The following C5orf34 variants were observed in gnomAD, a reference collection of about 807,000 sequenced individuals.
C5orf34 encodes uncharacterized protein C5orf34.
In C5orf34, 73 loss-of-function variants were observed where a neutral mutation model predicts 78.4. The observed-to-expected ratio is 0.93, with a 90% CI of 0.77 to 1.13. C5orf34 has a LOEUF of 1.13. Ranked by LOEUF, C5orf34 falls within the 50% of genes most tolerant of loss-of-function variation. C5orf34 has a pLI of 0.00. For missense variants in C5orf34, 730 were observed against 732.7 expected (o/e 1.00, Z 0.04); for synonymous variants, 251 against 246.6 (o/e 1.02, Z -0.17).
In C5orf34 at chr5:43,502,359, A is replaced by C. The variant is rs1745793146; in HGVS notation, c.1152+13T>G. 6.2e-7 allele frequency: 1 copy of C among 1,610,698 alleles called. No individual in the cohort carries two copies. Among genetic ancestry groups the C allele is most frequent in the African/African-American group, 1.3e-5 (1 of 74,808 alleles). The stretch of plus-strand genomic sequence containing the variant: ...GCAAAACTCTTCTTGAGTTGAGTTC[A>C]TTGTTGGCTTACCTTTCCTGATCCT... On this transcript the variant is annotated intron_variant, in intron 6 of 12. Coordinates refer to ENST00000306862, the MANE Select transcript of C5orf34 (RefSeq NM_198566.4).
At chr5:43,502,645 G>A in intron 5 of C5orf34, 150 bp from the exon 6 acceptor site, 1 of 581,104 alleles carries the variant, frequency 1.7e-6, no homozygotes, top group Non-Finnish European at 3.0e-6. Flanking sequence ...TTCATATTCT[G>A]AACCCAACCA....
intron 6 of C5orf34, chr5:43,495,599 G>A (rs1745476645): frequency 1.2e-6 from 2 of 1,611,980 alleles, no homozygotes; most frequent in Non-Finnish European, 1.7e-6. Flanking sequence ...TTTTACTTCT[G>A]TTGTAATGTT....
At chr5:43,500,446 T>C (rs1280997851) in intron 6 of C5orf34, among the ~76,000 whole-genome samples, 1 of 152,172 alleles carries the variant, frequency 6.6e-6, no homozygotes, top group Non-Finnish European at 1.5e-5. Context: ...CCTAGACTGG[T>C]GTGCAGTGGT....
chr5:43,495,168 T>C, intron 6 of C5orf34: 1 of 1,609,876 alleles, frequency 6.2e-7, no homozygotes, highest in Non-Finnish European at 8.5e-7. Context: ...ACCGCAACTG[T>C]CTGTCTCATA....
chr5:43,508,688 G>A lies in C5orf34; in HGVS notation c.196-22C>T, dbSNP rs763659782. On this transcript the variant is annotated intron_variant, in intron 2 of 12. Coordinates refer to ENST00000306862, the MANE Select transcript of C5orf34 (RefSeq NM_198566.4). ...GCTCCTATGAAAAGAAATATAAAATGTAACCTTAATGTAAAATGATTTGAA... is the reference window on the plus strand; with the variant it reads ...GCTCCTATGAAAAGAAATATAAAATATAACCTTAATGTAAAATGATTTGAA... 5 of 1,338,476 alleles carry A rather than the reference G, an allele frequency of 3.7e-6. No individual in the cohort carries two copies. The South Asian group carries it at 6.0e-5, about 16-fold the overall frequency. 82.9% of individuals were successfully genotyped at this position (1,338,476 alleles called of 1,614,324 possible).
chr5:43,508,373 GAA>G (rs1451025042), intron 3 of C5orf34, among the ~76,000 whole-genome samples: 1 of 152,098 alleles, frequency 6.6e-6, no homozygotes, highest in East Asian at 1.9e-4. Flanking sequence ...CTCTGAGAAT[GAA>G]AAAGTCACCA....
chr5:43,507,905 C>T lies in C5orf34; in HGVS notation c.285+672G>A, dbSNP rs924234706. On this transcript the variant is annotated intron_variant, in intron 3 of 12. Coordinates refer to ENST00000306862, the MANE Select transcript of C5orf34 (RefSeq NM_198566.4). The stretch of plus-strand genomic sequence containing the variant: ...CATGCTGGCTAACATGATGAAACCC[C>T]GTCTCTACTAAAAATGCAAGAAATT... Among the ~76,000 whole-genome samples, 17 of 152,176 alleles carry T rather than the reference C, an allele frequency of 1.1e-4. No individual in the cohort carries two copies. The South Asian group carries it at 1.2e-3, about 11-fold the overall frequency.
chr5:43,490,775 TACATTATA>T, intron 10 of C5orf34, 46 bp from the exon 11 acceptor site: 1 of 928,572 alleles, frequency 1.1e-6, no homozygotes, highest in Non-Finnish European at 1.7e-6. Flanking sequence ...TGAACTTGAA[TACATTATA>T]AAATTATAAA....
intron 6 of C5orf34, among the ~76,000 whole-genome samples, chr5:43,497,735 C>G (rs192036380): frequency 8.5e-5 from 13 of 152,316 alleles, no homozygotes; most frequent in Non-Finnish European, 1.6e-4. Context: ...AAACAAAAGT[C>G]TTTGTCCTTT....
In C5orf34 at chr5:43,511,418, C is replaced by T. The variant is rs1404162111; in HGVS notation, c.-36-2043G>A. On this transcript the variant is annotated intron_variant, in intron 1 of 12. Transcript: ENST00000306862. ...CTCCGTCCGGGAGGGAGGTGGGGGG[C>T]GCCTCCGCCCGGCCGCCGCCCCAAC... 1.0e-3 allele frequency: 155 copies of T among 155,472 alleles called. 1 individual carries two copies. The highest frequency in any genetic ancestry group is 4.5e-4 in the Non-Finnish European group (32 of 71,330). The allele number at this position is 155,472 out of a possible 1,614,324, so 9.6% of individuals were successfully genotyped here.
At chr5:43,509,414 C>T in intron 1 of C5orf34, 39 bp from the exon 2 acceptor site, 1 of 1,204,328 alleles carries the variant, frequency 8.3e-7, no homozygotes, top group Non-Finnish European at 1.1e-6. Context: ...AAATAGTTCT[C>T]TTAATGTACA....
chr5:43,509,394 A>C lies in C5orf34; in HGVS notation c.-36-19T>G. On this transcript the variant is annotated intron_variant, in intron 1 of 12. Transcript: ENST00000306862. The stretch of plus-strand genomic sequence containing the variant: ...TCAAAGACTGAATGAAATAGGAAAA[A>C]CAACAGCATAAATAGTTCTCTTAAT... The C allele has an allele frequency of 7.2e-7, 1 of 1,393,960 alleles. No individual in the cohort carries two copies. The highest frequency in any genetic ancestry group is 1.4e-5 in the African/African-American group (1 of 69,246). 86.3% of individuals were successfully genotyped at this position (1,393,960 alleles called of 1,614,324 possible).
chr5:43,493,493 A>G, intron 8 of C5orf34, 50 bp downstream of exon 8: 1 of 1,129,404 alleles, frequency 8.9e-7, no homozygotes, highest in Non-Finnish European at 1.3e-6. Context: ...ATGGATATAA[A>G]CAATAAAACA....
At chr5:43,514,509 C>G (rs955486109) in intron 1 of C5orf34, among the ~76,000 whole-genome samples, 2 of 151,874 alleles carry the variant, frequency 1.3e-5, no homozygotes, top group Non-Finnish European at 2.9e-5. Context: ...TTTACTGAGG[C>G]GGTTTTCTAA....
intron 3 of C5orf34, among the ~76,000 whole-genome samples, chr5:43,507,101 C>T (rs1225621236): frequency 6.6e-6 from 1 of 152,110 alleles, no homozygotes; most frequent in Non-Finnish European, 1.5e-5. Flanking sequence ...ACACCATACA[C>T]TAAAATAAAT....
chr5:43,489,052 A>G (rs1051532492), intron 11 of C5orf34, among the ~76,000 whole-genome samples: 1 of 152,106 alleles, frequency 6.6e-6, no homozygotes, highest in Non-Finnish European at 1.5e-5. Flanking sequence ...AAGAACTTGG[A>G]TACAACTTAC....
chr5:43,502,524 T>A (rs1182073663), intron 5 of C5orf34, 29 bp from the exon 6 acceptor site: 2 of 1,413,424 alleles, frequency 1.4e-6, no homozygotes, highest in South Asian at 1.2e-5. Flanking sequence ...CATTAAAAAT[T>A]TTTTTCCACT....
intron 5 of C5orf34, 33 bp downstream of exon 5, chr5:43,503,632 A>T (rs1240508991): frequency 1.5e-6 from 2 of 1,377,484 alleles, no homozygotes; most frequent in East Asian, 2.3e-5. Flanking sequence ...AACAGCTCTA[A>T]CTCCAACATA....
At chr5:43,498,298 T>C (rs892247386) in intron 6 of C5orf34, among the ~76,000 whole-genome samples, 1 of 152,214 alleles carries the variant, frequency 6.6e-6, no homozygotes, top group Non-Finnish European at 1.5e-5. Context: ...TGGGTTCTTA[T>C]TTCCAAGACC....
Sources: gnomAD v4.1 joint callset for allele counts (sites outside exome capture counted in the v4.1 genomes callset) on GRCh38, gnomAD v4.1.1 for gene constraint, MANE v1.5 for transcripts, NCBI Gene and HGNC (gene_info 2026-07-23, HGNC 2026-07-21) for gene names.